The following WWOX variants were observed in gnomAD, a reference collection of about 807,000 sequenced individuals.
WWOX encodes the protein WW domain-containing oxidoreductase.
A neutral mutation model predicts 46.2 loss-of-function variants in WWOX; 69 were observed. The observed-to-expected ratio is 1.49, with a 90% CI of 1.23 to 1.82. WWOX has a LOEUF of 1.82. Ranked by LOEUF, WWOX falls within the 40% of genes most tolerant of loss-of-function variation. The probability of loss-of-function intolerance (pLI) is 0.00; values close to 1 mark genes in which losing one functional copy is unlikely to be tolerated. For missense variants in WWOX, 919 were observed against 542.6 expected, an observed-to-expected ratio of 1.69 and a Z score of -6.89; for synonymous variants, 359 against 202.6, an observed-to-expected ratio of 1.77 and a Z score of -6.56.
rs770319919 is a variant in WWOX, at chr16:78,099,823, G to A, written c.45G>A (p.Glu15=). ...RYAGLDDTDS[E]DELPPGWEER... ...CGGGGCTGGACGACACGGACAGTGA[G>A]GACGAGCTGCCTCCGGGCTGGGAGG... Residue 15 remains glutamate (E), a synonymous_variant, in exon 1 of 9, where the codon GAG becomes GAA. Coordinates refer to ENST00000566780, the MANE Select transcript of WWOX (RefSeq NM_016373.4). 2 of 1,580,722 alleles carry A rather than the reference G, an allele frequency of 1.3e-6. No homozygotes were observed. The highest frequency in any genetic ancestry group is 1.2e-5 in the South Asian group (1 of 85,930).
At chr16:78,993,762 C>G (rs1488712948) in intron 8 of WWOX, among the ~76,000 whole-genome samples, 2 of 152,206 alleles carry the variant, frequency 1.3e-5, no homozygotes, top group African/African-American at 2.4e-5. Context: ...TCGCCAGACT[C>G]CATGGCCTGA....
intron 5 of WWOX, among the ~76,000 whole-genome samples, chr16:78,344,827 T>G (rs9940114): frequency 8.3e-6 from 1 of 120,624 alleles, no homozygotes; most frequent in Non-Finnish European, 2.0e-5. Context: ...CAAGCTCTTG[T>G]TAATCTGTCA....
chr16:79,123,312 C>T (rs1253587071), intron 8 of WWOX, among the ~76,000 whole-genome samples: 2 of 152,114 alleles, frequency 1.3e-5, no homozygotes, highest in Non-Finnish European at 2.9e-5. Context: ...GGATTACCAA[C>T]GTAGGCGTGA....
chr16:79,192,388 T>C (rs1431327769), intron 8 of WWOX, among the ~76,000 whole-genome samples: 2 of 152,208 alleles, frequency 1.3e-5, no homozygotes, highest in Non-Finnish European at 2.9e-5. Flanking sequence ...TCATCACCCC[T>C]GTATACCAGA....
intron 8 of WWOX, among the ~76,000 whole-genome samples, chr16:79,133,496 G>T (rs2049922838): frequency 6.6e-6 from 1 of 152,176 alleles, no homozygotes; most frequent in Non-Finnish European, 1.5e-5. Flanking sequence ...AGAACAGGTG[G>T]TTCTCATTTT....
At chr16:78,356,071 TAAAAAA>T (rs61113878) in intron 5 of WWOX, among the ~76,000 whole-genome samples, 35 of 76,140 alleles carry the variant, frequency 4.6e-4, no homozygotes, top group Non-Finnish European at 5.8e-4. Flanking sequence ...TTTTTTTTCC[TAAAAAA>T]AAAAAAAAAA....
At chr16:78,652,434 A>AAAAGAG (rs1567465501) in intron 8 of WWOX, among the ~76,000 whole-genome samples, 17 of 151,684 alleles carry the variant, frequency 1.1e-4, no homozygotes, top group Non-Finnish European at 2.1e-4. Flanking sequence ...AAAAAAAAGA[A>AAAAGAG]AAAGAAAAAG....
chr16:79,147,117 G>T (rs139810580), intron 8 of WWOX, among the ~76,000 whole-genome samples: 134 of 152,272 alleles, frequency 8.8e-4, no homozygotes, highest in Non-Finnish European at 1.6e-3. Context: ...ATGTGTGTCT[G>T]TGTCTACATA....
chr16:79,167,346 A>G (rs1218313517), intron 8 of WWOX, among the ~76,000 whole-genome samples: 2 of 152,328 alleles, frequency 1.3e-5, no homozygotes, highest in East Asian at 3.9e-4. Context: ...GGTGAGTATA[A>G]GTGTGATTAT....
chr16:78,847,803 A>T (rs975351278), intron 8 of WWOX, among the ~76,000 whole-genome samples: 1 of 152,194 alleles, frequency 6.6e-6, no homozygotes, highest in Non-Finnish European at 1.5e-5. Context: ...AAAGGAAAAC[A>T]GTATTTCCCT....
intron 8 of WWOX, among the ~76,000 whole-genome samples, chr16:78,845,600 C>T (rs144467475): frequency 1.3e-5 from 2 of 152,084 alleles, no homozygotes; most frequent in African/African-American, 2.4e-5. Context: ...GGCTTTGCTG[C>T]GTAATAGTCC....
At chr16:78,625,586 A>G (rs1290634636) in intron 8 of WWOX, among the ~76,000 whole-genome samples, 1 of 151,984 alleles carries the variant, frequency 6.6e-6, no homozygotes, top group Non-Finnish European at 1.5e-5. Flanking sequence ...GTTATTTGGT[A>G]CATTTATTAA....
At chr16:78,589,504 C>T (rs1005733175) in intron 8 of WWOX, among the ~76,000 whole-genome samples, 4 of 152,202 alleles carry the variant, frequency 2.6e-5, no homozygotes, top group African/African-American at 9.7e-5. Flanking sequence ...CTCAGCCTCC[C>T]TGCCCATGGC....
rs1174080380 is a variant in WWOX at position 78,359,577 on chromosome 16, A to G, written c.517-27283A>G. ...TGAGTTAGAATATGAGTTTTTCAGC[A>G]TCTTATAGCTTATGAGTTAAAGCAA... On this transcript the variant is annotated intron_variant, in intron 5 of 8. Coordinates refer to ENST00000566780, the MANE Select transcript of WWOX (RefSeq NM_016373.4). 8.5e-5 allele frequency among the ~76,000 whole-genome samples: 13 copies of G among 152,374 alleles called. No homozygotes were observed. The South Asian group carries it at 1.7e-3, about 19-fold the overall frequency.
At chr16:79,035,797 AC>A (rs1368286890) in intron 8 of WWOX, among the ~76,000 whole-genome samples, 10 of 152,010 alleles carry the variant, frequency 6.6e-5, no homozygotes, top group African/African-American at 2.4e-4. Context: ...CAAAAGGCCA[AC>A]CCCATTAGAC....
intron 5 of WWOX, among the ~76,000 whole-genome samples, chr16:78,348,027 A>C (rs1245177386): frequency 8.2e-6 from 1 of 122,602 alleles, no homozygotes; most frequent in Non-Finnish European, 2.0e-5. Context: ...TTCTCTTTAA[A>C]AATATACCTT....
intron 8 of WWOX, among the ~76,000 whole-genome samples, chr16:78,510,891 C>A (rs984934869): frequency 6.6e-6 from 1 of 152,196 alleles, no homozygotes; most frequent in African/African-American, 2.4e-5. Flanking sequence ...TGCTTCGGTG[C>A]CTGGCACAGA....
At chr16:78,385,737 T>C (rs972254443) in intron 5 of WWOX, among the ~76,000 whole-genome samples, 1 of 152,186 alleles carries the variant, frequency 6.6e-6, no homozygotes, top group African/African-American at 2.4e-5. Flanking sequence ...GTTATCCTCC[T>C]TAATCTTACT....
intron 8 of WWOX, among the ~76,000 whole-genome samples, chr16:79,060,137 C>G (rs1023924000): frequency 3.9e-4 from 59 of 152,294 alleles, no homozygotes; most frequent in African/African-American, 1.3e-3. Flanking sequence ...ATTGTCCTCA[C>G]CTATACTTGG....
Sources: gnomAD v4.1 joint callset for allele counts (sites outside exome capture counted in the v4.1 genomes callset) on GRCh38, gnomAD v4.1.1 for gene constraint, MANE v1.5 for transcripts, NCBI Gene and HGNC (gene_info 2026-07-23, HGNC 2026-07-21) for gene names.